Variants in M1AP observed in about 807,000 individuals in gnomAD.
The protein encoded by M1AP is meiosis 1 associated protein.
M1AP carries 39 observed loss-of-function variants against 51.2 expected under a neutral mutation model. The ratio of observed to expected loss-of-function variants is 0.76; its 90% CI spans 0.59 to 1.00. The LOEUF (loss-of-function observed/expected upper bound fraction) is 1.00. Ranked by LOEUF, M1AP falls within the 50% of genes least tolerant of loss-of-function variation. The probability of loss-of-function intolerance (pLI) is 0.00; values close to 1 mark genes in which losing one functional copy is unlikely to be tolerated. For missense variants in M1AP, 545 were observed against 641.2 expected, an observed-to-expected ratio of 0.85 and a Z score of 1.62; for synonymous variants, 251 against 249.2, an observed-to-expected ratio of 1.01 and a Z score of -0.07.
At chr2:74,559,437 G>A (rs1677759094) in intron 10 of M1AP, among the ~76,000 whole-genome samples, 1 of 152,210 alleles carries the variant, frequency 6.6e-6, no homozygotes. Context: ...CGGAATTATA[G>A]GCATAAGCCA....
In M1AP at chr2:74,640,237, A is replaced by C. The variant is rs1323456438; in HGVS notation, c.39T>G (p.Thr13=). Residue 13 remains threonine (T), a synonymous_variant, in exon 2 of 11, where the codon ACT becomes ACG. Transcript: ENST00000421985. ...PGRTTGKGPS[T]HTQIDQQPPR... ...GAGGTTGCTGGTCAATCTGAGTGTG[A>C]GTAGAGGGCCCTTTACCAGTAGTTC... 6.2e-7 allele frequency: 1 copy of C among 1,614,112 alleles called. No individual in the cohort carries two copies. The highest frequency in any genetic ancestry group is 2.2e-5 in the East Asian group (1 of 44,876).
At chr2:74,633,328 A>G (rs532929298) in intron 2 of M1AP, among the ~76,000 whole-genome samples, 1 of 152,236 alleles carries the variant, frequency 6.6e-6, no homozygotes, top group East Asian at 1.9e-4. Context: ...CATTTTAGCA[A>G]AGAACCCTGC....
At chr2:74,608,770 T>C (rs959972696) in intron 3 of M1AP, among the ~76,000 whole-genome samples, 1 of 152,254 alleles carries the variant, frequency 6.6e-6, no homozygotes, top group Admixed American at 6.5e-5. Context: ...TTCTGGAATT[T>C]AGCCATTTTA....
chr2:74,643,397 G>A (rs1189366576), intron 1 of M1AP, among the ~76,000 whole-genome samples: 1 of 152,116 alleles, frequency 6.6e-6, no homozygotes, highest in Non-Finnish European at 1.5e-5. Flanking sequence ...CATGTAGCAT[G>A]ATTTCATCTA....
At chr2:74,622,302 C>T (rs559804902) in intron 2 of M1AP, among the ~76,000 whole-genome samples, 3 of 151,862 alleles carry the variant, frequency 2.0e-5, no homozygotes, top group Non-Finnish European at 4.4e-5. Context: ...TGCAGTGGCA[C>T]GATCTTGGCT....
At chr2:74,593,851 T>C (rs1472195479) in intron 4 of M1AP, among the ~76,000 whole-genome samples, 1 of 152,158 alleles carries the variant, frequency 6.6e-6, no homozygotes, top group Non-Finnish European at 1.5e-5. Flanking sequence ...TGAAGGCAGC[T>C]AAAAATTGGA....
intron 4 of M1AP, among the ~76,000 whole-genome samples, chr2:74,591,515 G>A (rs1456601398): frequency 6.6e-6 from 1 of 152,208 alleles, no homozygotes; most frequent in South Asian, 2.1e-4. Context: ...CATAGGCACT[G>A]TGGTGGGGGA....
intron 4 of M1AP, among the ~76,000 whole-genome samples, chr2:74,583,132 A>G (rs150729080): frequency 2.0e-5 from 3 of 152,264 alleles, no homozygotes; most frequent in African/African-American, 7.2e-5. Flanking sequence ...ACCACCAAAA[A>G]TTATACAGCA....
At chr2:74,590,739 C>T (rs1679994996) in intron 4 of M1AP, among the ~76,000 whole-genome samples, 1 of 152,154 alleles carries the variant, frequency 6.6e-6, no homozygotes, top group Non-Finnish European at 1.5e-5. Flanking sequence ...CCACTTTGAA[C>T]TGAGTGACTT....
At chr2:74,631,991 G>GC (rs1284334016) in intron 2 of M1AP, among the ~76,000 whole-genome samples, 1 of 152,216 alleles carries the variant, frequency 6.6e-6, no homozygotes, top group Admixed American at 6.5e-5. Context: ...TTAAGGTCAT[G>GC]TTTTTCCGTA....
rs1450468843 is a variant in M1AP, at chr2:74,615,129, A to G, written c.261T>C (p.Ala87=). ...LPFVQVKGNF[A]RLQTCISELR... ...GTTCTGAGATGCAGGTCTGCAACCT[A>G]GCAAAGTTCCCTTTCACTTGCTGCA... The change falls in exon 3 of 11, where the codon GCT becomes GCC. Residue 87 remains alanine (A), a synonymous_variant. Coordinates refer to ENST00000421985, the MANE Select transcript of M1AP (RefSeq NM_001321739.2). 3 of 1,614,056 alleles carry G rather than the reference A, an allele frequency of 1.9e-6. No homozygotes were observed. Among genetic ancestry groups the G allele is most frequent in the African/African-American group, 2.7e-5 (2 of 74,934 alleles).
At chr2:74,628,603 G>T in intron 2 of M1AP, 1 of 625,314 alleles carries the variant, frequency 1.6e-6, no homozygotes, top group South Asian at 1.4e-5. Flanking sequence ...TTATTATCTT[G>T]AGAGGAAGAC....
intron 5 of M1AP, among the ~76,000 whole-genome samples, chr2:74,577,459 A>G (rs1350885741): frequency 6.6e-6 from 1 of 152,220 alleles, no homozygotes; most frequent in Admixed American, 6.5e-5. Context: ...GTGATAACAA[A>G]CTTGTGAATA....
intron 1 of M1AP, chr2:74,647,431 C>A (rs1683674510): frequency 1.0e-6 from 1 of 983,800 alleles, no homozygotes; most frequent in South Asian, 4.7e-5. Flanking sequence ...TTAAAGATTT[C>A]GTGGGCCCTA....
intron 3 of M1AP, among the ~76,000 whole-genome samples, chr2:74,610,903 T>C (rs1681295562): frequency 2.0e-5 from 3 of 152,380 alleles, no homozygotes; most frequent in East Asian, 1.9e-4. Context: ...TTGAATTTTA[T>C]TGAATGCTCT....
At chr2:74,629,105 T>C (rs558695706) in intron 2 of M1AP, among the ~76,000 whole-genome samples, 1 of 152,360 alleles carries the variant, frequency 6.6e-6, no homozygotes, top group East Asian at 1.9e-4. Flanking sequence ...TTAGAGTTTT[T>C]ACAAAACAAA....
rs1677668382 is a variant in M1AP at position 74,558,583 on chromosome 2, CTGT to C, written c.*130_*132del. On this transcript the variant is annotated 3_prime_UTR_variant, in exon 11 of 11. Transcript: ENST00000421985. ...ACAGCACTGAAACAGGACAGGAAGGCTGTTGTTTCCCAGTCAGCCCTCACTCAC... is the reference window on the plus strand; with the variant it reads ...ACAGCACTGAAACAGGACAGGAAGGCTGTTTCCCAGTCAGCCCTCACTCAC... The C allele has an allele frequency of 2.9e-6, 3 of 1,022,732 alleles. No homozygotes were observed. The Admixed American group carries it at 8.2e-5, about 28-fold the overall frequency. 63.4% of individuals were successfully genotyped at this position (1,022,732 alleles called of 1,614,324 possible). A position where few individuals can be genotyped will look rare whatever the true frequency, so the allele number is the denominator to read the frequency against.
At chr2:74,597,750 A>G (rs979112872) in intron 4 of M1AP, among the ~76,000 whole-genome samples, 8 of 152,206 alleles carry the variant, frequency 5.3e-5, no homozygotes, top group African/African-American at 1.9e-4. Flanking sequence ...TGGCTGAATG[A>G]CTTACATACC....
At chr2:74,637,361 T>C (rs1683045495) in intron 2 of M1AP, among the ~76,000 whole-genome samples, 1 of 152,254 alleles carries the variant, frequency 6.6e-6, no homozygotes, top group Non-Finnish European at 1.5e-5. Context: ...ATTATAACAA[T>C]TGTCTTAATG....
Sources: allele counts gnomAD v4.1 joint callset (sites outside exome capture counted in the v4.1 genomes callset), GRCh38; gene constraint gnomAD v4.1.1; transcripts MANE v1.5; gene names NCBI Gene and HGNC (gene_info 2026-07-23, HGNC 2026-07-21).